Variants in MRTFA observed in about 807,000 individuals in gnomAD.
MRTFA encodes the protein myocardin-related transcription factor A.
In MRTFA, 20 loss-of-function variants were observed where a neutral mutation model predicts 83.5. The observed-to-expected ratio is 0.24, with a 90% CI of 0.17 to 0.35. The LOEUF (loss-of-function observed/expected upper bound fraction) is 0.35, where lower values mean the gene tolerates loss of function less well. MRTFA is among the 10% of genes least tolerant of loss of function. MRTFA has a pLI of 1.00. For missense variants in MRTFA, 1,200 were observed against 1,224.7 expected (o/e 0.98, Z 0.30); for synonymous variants, 659 against 541.2 (o/e 1.22, Z -3.02).
Position 40,431,499 on chromosome 22 carries a change from A to G in MRTFA, c.364-19T>C, listed in dbSNP as rs576411452. ...CCTCTGTCTACAGAAAAAACACACC[A>G]AGAAACTCTCAAATCCAGGTCACAG... is the stretch of plus-strand genomic sequence containing the variant. On this transcript the variant is annotated intron_variant, in intron 5 of 14. Transcript: ENST00000355630. The G allele has an allele frequency of 1.9e-6, 3 of 1,611,958 alleles. No individual in the cohort carries two copies. In the South Asian group the frequency reaches 3.3e-5, roughly 18 times the overall value.
chr22:40,620,423 C>CTTTTTTTTTTTT (rs747409456), intron 1 of MRTFA, among the ~76,000 whole-genome samples: 66 of 94,164 alleles, frequency 7.0e-4, no homozygotes, highest in Admixed American at 8.7e-4. Context: ...AACATGCAGT[C>CTTTTTTTTTTTT]TTTTTTTTTT....
chr22:40,418,184 C>T (rs765013238), intron 12 of MRTFA, among the ~76,000 whole-genome samples, 190 bp downstream of exon 12: 1 of 152,214 alleles, frequency 6.6e-6, no homozygotes, highest in African/African-American at 2.4e-5. Context: ...ATGGCTCCGC[C>T]CTACAGCTAG....
chr22:40,541,553 T>C (rs1210742649), intron 3 of MRTFA, among the ~76,000 whole-genome samples: 1 of 152,144 alleles, frequency 6.6e-6, no homozygotes, highest in African/African-American at 2.4e-5. Context: ...GACCACAACC[T>C]ATTGCTGATG....
At chr22:40,524,133 A>T (rs1023121972) in intron 3 of MRTFA, among the ~76,000 whole-genome samples, 1 of 152,070 alleles carries the variant, frequency 6.6e-6, no homozygotes, top group African/African-American at 2.4e-5. Context: ...GTCTCTCATT[A>T]AAAAAAATTT....
chr22:40,483,498 A>G (rs1266139693), intron 3 of MRTFA, among the ~76,000 whole-genome samples: 1 of 151,608 alleles, frequency 6.6e-6, no homozygotes, highest in Non-Finnish European at 1.5e-5. Context: ...AACCTGGCTA[A>G]CATGGTGAAA....
chr22:40,557,358 A>G (rs568186905), intron 2 of MRTFA, among the ~76,000 whole-genome samples: 1 of 152,368 alleles, frequency 6.6e-6, no homozygotes, highest in African/African-American at 2.4e-5. Context: ...TTTCATATAA[A>G]AAGTTCTTAA....
At chr22:40,593,351 A>G (rs369710587) in intron 2 of MRTFA, among the ~76,000 whole-genome samples, 18 of 152,374 alleles carry the variant, frequency 1.2e-4, no homozygotes, top group East Asian at 5.8e-4. Flanking sequence ...TGAACTTGAT[A>G]TATTTCAGTA....
At chr22:40,575,377 T>G (rs951592707) in intron 2 of MRTFA, among the ~76,000 whole-genome samples, 3 of 152,164 alleles carry the variant, frequency 2.0e-5, no homozygotes, top group Non-Finnish European at 4.4e-5. Context: ...AATGCTAGAT[T>G]TAGATATAAA....
At position 40,463,298 on chromosome 22, in the gene MRTFA, CAG is replaced by C; in HGVS notation, c.242-14_242-13del. ...TTTCAACTGTAGCACTGCAGGGCAGCAGAGAGAGAGGAGAGATGAGGGGTCAG... is the reference window on the plus strand; with the variant it reads ...TTTCAACTGTAGCACTGCAGGGCAGCAGAGAGAGGAGAGATGAGGGGTCAG... On this transcript the variant is annotated splice_polypyrimidine_tract_variant and intron_variant, in intron 3 of 14. Transcript: ENST00000355630. 2.5e-6 allele frequency: 4 copies of C among 1,612,690 alleles called. No homozygotes were observed. Among genetic ancestry groups the C allele is most frequent in the Non-Finnish European group, 3.4e-6 (4 of 1,178,998 alleles).
chr22:40,541,355 A>T (rs969408242), intron 3 of MRTFA, among the ~76,000 whole-genome samples: 1 of 152,238 alleles, frequency 6.6e-6, no homozygotes, highest in Non-Finnish European at 1.5e-5. Flanking sequence ...TTGAGTTCTC[A>T]CAAGTGTACG....
At position 40,623,724 on chromosome 22, in the gene MRTFA, G is replaced by A. The variant is rs567943407; in HGVS notation, c.-84+12754C>T. On this transcript the variant is annotated intron_variant, in intron 1 of 14. Coordinates refer to ENST00000355630, the MANE Select transcript of MRTFA (RefSeq NM_020831.6). ...ACAAAGGATAATTTTTGAGTACTAT[G>A]AAAATTAACATGTATTAAATACCTA... Among the ~76,000 whole-genome samples, 5 of 152,280 alleles carry A rather than the reference G, an allele frequency of 3.3e-5. No individual in the cohort carries two copies. In the East Asian group the frequency reaches 5.8e-4, roughly 18 times the overall value.
intron 14 of MRTFA, among the ~76,000 whole-genome samples, chr22:40,414,298 G>A (rs985938724): frequency 1.3e-5 from 2 of 152,042 alleles, no homozygotes; most frequent in African/African-American, 2.4e-5. Flanking sequence ...AGCCAAGATC[G>A]TGCTACTGCA....
At position 40,410,507 on chromosome 22, in the gene MRTFA, C is replaced by CG; in HGVS notation, c.*882dup. On this transcript the variant is annotated 3_prime_UTR_variant, in exon 15 of 15. Coordinates refer to ENST00000355630, the MANE Select transcript of MRTFA (RefSeq NM_020831.6). The stretch of plus-strand genomic sequence containing the variant: ...GGCCACGCTGGCTGCAGTGAGGCGG[C>CG]GGGGACGGAATGTGAGTGGGTGGAG... 4.3e-6 allele frequency: 1 copy of CG among 233,126 alleles called. No individual in the cohort carries two copies. The highest frequency in any genetic ancestry group is 1.8e-4 in the South Asian group (1 of 5,538). 14.4% of individuals were successfully genotyped at this position (233,126 alleles called of 1,614,324 possible). A position where few individuals can be genotyped will look rare whatever the true frequency, so the allele number is the denominator to read the frequency against.
intron 4 of MRTFA, among the ~76,000 whole-genome samples, chr22:40,456,951 T>C (rs2053595614): frequency 6.6e-6 from 1 of 152,222 alleles, no homozygotes; most frequent in African/African-American, 2.4e-5. Flanking sequence ...AAAAGAGCTT[T>C]ACCAAAATGT....
intron 2 of MRTFA, among the ~76,000 whole-genome samples, chr22:40,553,321 C>G (rs1365519410): frequency 6.6e-6 from 1 of 152,146 alleles, no homozygotes; most frequent in Non-Finnish European, 1.5e-5. Flanking sequence ...ATGGGGAAAA[C>G]GTCTCCAGGG....
Position 40,507,705 on chromosome 22 carries a change from C to A in MRTFA, c.241+44401G>T, listed in dbSNP as rs529175082. On this transcript the variant is annotated intron_variant, in intron 3 of 14. Coordinates refer to ENST00000355630, the MANE Select transcript of MRTFA (RefSeq NM_020831.6). Reference sequence around the variant, plus strand: ...GATTTAGGCCAGATGCAGTTGCTCACGCTTGTAATCCCAGCACCTTAGGCC... The same window carrying A: ...GATTTAGGCCAGATGCAGTTGCTCAAGCTTGTAATCCCAGCACCTTAGGCC... Among the ~76,000 whole-genome samples, 15 of 152,060 alleles carry A rather than the reference C, an allele frequency of 9.9e-5. No homozygotes were observed. The East Asian group carries it at 2.1e-3, about 22-fold the overall frequency.
rs943483454 is a variant in MRTFA, at chr22:40,410,640, A to G, written c.*750T>C. The G allele has an allele frequency of 2.6e-5, 6 of 233,240 alleles. No homozygotes were observed. The highest frequency in any genetic ancestry group is 6.6e-5 in the African/African-American group (3 of 45,304). The allele number at this position is 233,240 out of a possible 1,614,324, so 14.4% of individuals were successfully genotyped here. A position where few individuals can be genotyped will look rare whatever the true frequency, so the allele number is the denominator to read the frequency against. ...GCCGTGGCAGGGTACCTACATGTCA[A>G]TCACACGTGATGGGTGGGCCTGGGT... is the stretch of plus-strand genomic sequence containing the variant. On this transcript the variant is annotated 3_prime_UTR_variant, in exon 15 of 15. Transcript: ENST00000355630.
intron 14 of MRTFA, among the ~76,000 whole-genome samples, chr22:40,413,401 G>T (rs2052605027): frequency 6.6e-6 from 1 of 150,782 alleles, no homozygotes; most frequent in African/African-American, 2.4e-5. Context: ...GTGCAGTGGG[G>T]CAATCTTGGC....
At chr22:40,529,342 A>G (rs963041017) in intron 3 of MRTFA, among the ~76,000 whole-genome samples, 1 of 152,138 alleles carries the variant, frequency 6.6e-6, no homozygotes, top group African/African-American at 2.4e-5. Flanking sequence ...TTTGAGATGG[A>G]ATCTTGCTGT....
Sources: allele counts gnomAD v4.1 joint callset (sites outside exome capture counted in the v4.1 genomes callset), GRCh38; gene constraint gnomAD v4.1.1; transcripts MANE v1.5; gene names NCBI Gene and HGNC (gene_info 2026-07-23, HGNC 2026-07-21).